EML6: variants seen among roughly 807,000 people sequenced by gnomAD.
EML6 encodes EMAP like 6.
In EML6, 154 loss-of-function variants were observed where a neutral mutation model predicts 240.1. The observed-to-expected ratio is 0.64, with a 90% CI of 0.56 to 0.73. The LOEUF (loss-of-function observed/expected upper bound fraction) is 0.73. Ranked by LOEUF, EML6 falls within the 30% of genes least tolerant of loss-of-function variation. The pLI, the probability that EML6 is intolerant of heterozygous loss-of-function variation, is 0.00. For synonymous variants in EML6, 1,148 were observed against 899.0 expected (o/e 1.28, Z -4.95); for missense variants, 2,964 against 2,474.6 (o/e 1.20, Z -4.20).
chr2:54,889,337 C>T (rs547397094), intron 17 of EML6, among the ~76,000 whole-genome samples: 2 of 152,026 alleles, frequency 1.3e-5, no homozygotes, highest in South Asian at 4.2e-4. Context: ...TAAACACACA[C>T]ACACCCCGTG....
chr2:54,944,965 G>A (rs557653028), intron 28 of EML6, among the ~76,000 whole-genome samples: 1 of 145,360 alleles, frequency 6.9e-6, no homozygotes, highest in Non-Finnish European at 1.5e-5. Context: ...TAATTTCTCT[G>A]TGTTTCTCGC....
chr2:54,832,563 A>G (rs1668928955), intron 7 of EML6, among the ~76,000 whole-genome samples: 1 of 152,240 alleles, frequency 6.6e-6, no homozygotes, highest in Admixed American at 6.5e-5. Flanking sequence ...GAGGAGATAA[A>G]AGTAATCAAG....
chr2:54,916,381 G>A (rs796224122), intron 25 of EML6, among the ~76,000 whole-genome samples: 8 of 152,324 alleles, frequency 5.3e-5, no homozygotes, highest in African/African-American at 1.9e-4. Flanking sequence ...ACACGCACAG[G>A]ACAGTCCCAA....
chr2:54,919,932 C>A (rs1431155961), intron 26 of EML6, among the ~76,000 whole-genome samples: 1 of 152,194 alleles, frequency 6.6e-6, no homozygotes, highest in African/African-American at 2.4e-5. Flanking sequence ...TTTGCACATT[C>A]ATCTTCTGTG....
At chr2:54,737,702 G>C (rs956788052) in intron 2 of EML6, among the ~76,000 whole-genome samples, 2 of 152,152 alleles carry the variant, frequency 1.3e-5, no homozygotes, top group Non-Finnish European at 2.9e-5. Flanking sequence ...GAGTTATCTG[G>C]TTACAATAAG....
At chr2:54,749,555 A>T (rs545366739) in intron 2 of EML6, among the ~76,000 whole-genome samples, 38 of 152,276 alleles carry the variant, frequency 2.5e-4, no homozygotes, top group African/African-American at 8.7e-4. Context: ...ATATGTAATT[A>T]TATACTTCAT....
intron 16 of EML6, among the ~76,000 whole-genome samples, chr2:54,871,813 ATGTGGCCT>A (rs1457015372): frequency 6.6e-6 from 1 of 152,254 alleles, no homozygotes; most frequent in Non-Finnish European, 1.5e-5. Context: ...TCACCAAAAA[ATGTGGCCT>A]TTAGATTACA....
intron 2 of EML6, among the ~76,000 whole-genome samples, chr2:54,767,630 GTA>G (rs10694733): frequency 0.039 from 4,716 of 120,252 alleles, 189 homozygotes; most frequent in African/African-American, 0.11. Context: ...GTGTGTGTGT[GTA>G]TGTGTGTGTG....
chr2:54,829,552 C>G (rs1055900457), intron 7 of EML6, 75 bp downstream of exon 7: 2 of 1,190,630 alleles, frequency 1.7e-6, no homozygotes, highest in Non-Finnish European at 2.3e-6. Context: ...ATATTTGTTT[C>G]TCTGTACCCC....
chr2:54,857,584 C>T (rs966560747), intron 11 of EML6, among the ~76,000 whole-genome samples: 1 of 152,138 alleles, frequency 6.6e-6, no homozygotes, highest in Non-Finnish European at 1.5e-5. Context: ...GTGAGAAGTG[C>T]TGTGAAGAAA....
intron 2 of EML6, among the ~76,000 whole-genome samples, chr2:54,788,407 CTATA>C (rs1669205913): frequency 6.6e-6 from 1 of 152,230 alleles, no homozygotes; most frequent in Non-Finnish European, 1.5e-5. Context: ...GTGGCTGCCA[CTATA>C]ACCGAGTTTT....
rs1056822135 is a variant in EML6 at position 54,871,522 on chromosome 2, A to G, written c.2261A>G (p.His754Arg). 1 of 1,551,182 alleles carries G rather than the reference A, an allele frequency of 6.4e-7. No homozygotes were observed. Among genetic ancestry groups the G allele is most frequent in the African/African-American group, 1.4e-5 (1 of 73,044 alleles). ...TGQVGRDAAIHVWDTQTLKCL... is the reference protein window; with the variant it reads ...TGQVGRDAAIRVWDTQTLKCL... ...AAGGTTGGAAGAGATGCTGCTATTCATGTGTGGGACACACAAACTCTAAAA... is the reference window on the plus strand; with the variant it reads ...AAGGTTGGAAGAGATGCTGCTATTCGTGTGTGGGACACACAAACTCTAAAA... Residue 754 changes from histidine to arginine, a missense_variant, in exon 16 of 42, where the codon CAT becomes CGT. Coordinates refer to ENST00000356458, the MANE Select transcript of EML6 (RefSeq NM_001039753.4).
Position 54,859,680 on chromosome 2 carries a change from A to T in EML6, c.1804A>T (p.Met602Leu), listed in dbSNP as rs112188631. Residue 602 changes from methionine (M) to leucine (L), a missense_variant, in exon 12 of 42, where the codon ATG becomes TTG. By Grantham distance (15) the Met-to-Leu change is conservative (BLOSUM62 2). Coordinates refer to ENST00000356458, the MANE Select transcript of EML6 (RefSeq NM_001039753.4). ...RFIPEGVSNG[M>L]LETAPQEGGA... ...TATTCCAGAAGGTGTCAGCAACGGC[A>T]TGCTGGAAACTGCACCCCAAGGTAA... 3 of 1,545,240 alleles carry T rather than the reference A, an allele frequency of 1.9e-6. No individual in the cohort carries two copies. The highest frequency in any genetic ancestry group is 1.4e-5 in the African/African-American group (1 of 72,828).
At chr2:54,868,824 G>C (rs1437770549) in intron 14 of EML6, 5 of 197,210 alleles carry the variant, frequency 2.5e-5, no homozygotes, top group South Asian at 1.6e-4. Flanking sequence ...ATGGAGGAGA[G>C]GAATGGCTTT....
At position 54,879,568 on chromosome 2, in the gene EML6, C is replaced by A; in HGVS notation, c.2366C>A (p.Ser789Ter). 1 of 1,551,048 alleles carries A rather than the reference C, an allele frequency of 6.4e-7. No individual in the cohort carries two copies. The highest frequency in any genetic ancestry group is 8.7e-7 in the Non-Finnish European group (1 of 1,146,402). ...DFSADGKCLVSVGLDDFHSIV... is the reference protein window; with the variant it reads ...DFSADGKCLV Reference sequence around the variant, plus strand: ...ACAGCCGATGGAAAATGTCTGGTGTCGGTTGGTTTAGACGATTTTCACAGT... The same window carrying A: ...ACAGCCGATGGAAAATGTCTGGTGTAGGTTGGTTTAGACGATTTTCACAGT... Residue 789 changes from serine to a stop codon, truncating the protein, a stop_gained, in exon 17 of 42, where the codon TCG (serine) becomes TAG (stop). Coordinates refer to ENST00000356458, the MANE Select transcript of EML6 (RefSeq NM_001039753.4). LOFTEE classifies it high-confidence loss of function.
At chr2:54,785,737 A>G (rs1669053449) in intron 2 of EML6, among the ~76,000 whole-genome samples, 1 of 152,192 alleles carries the variant, frequency 6.6e-6, no homozygotes, top group African/African-American at 2.4e-5. Context: ...CAGTGTTTAC[A>G]TATACTTTTT....
At chr2:54,802,633 CTACTACTACT>C in intron 2 of EML6, among the ~76,000 whole-genome samples, 1 of 146,020 alleles carries the variant, frequency 6.8e-6, no homozygotes, top group South Asian at 2.2e-4. Context: ...ACTACTACTA[CTACTACTACT>C]ACTACTACTA....
intron 2 of EML6, among the ~76,000 whole-genome samples, chr2:54,731,199 GA>G (rs1241895508): frequency 2.0e-5 from 3 of 152,216 alleles, no homozygotes; most frequent in Non-Finnish European, 4.4e-5. Context: ...GATAGCCAGA[GA>G]AAGACCAAGG....
chr2:54,899,890 A>ATTT, intron 22 of EML6, 108 bp downstream of exon 22: 1 of 1,078,608 alleles, frequency 9.3e-7, no homozygotes, highest in Non-Finnish European at 1.3e-6. Context: ...ATATGCCCAT[A>ATTT]AATATGCTGG....
Sources: allele counts gnomAD v4.1 joint callset (sites outside exome capture counted in the v4.1 genomes callset), GRCh38; gene constraint gnomAD v4.1.1; transcripts MANE v1.5; gene names NCBI Gene and HGNC (gene_info 2026-07-23, HGNC 2026-07-21).